SPATA1: variants seen among roughly 807,000 people sequenced by gnomAD.
SPATA1 encodes spermatogenesis associated 1.
A neutral mutation model predicts 59.6 loss-of-function variants in SPATA1; 57 were observed. The ratio of observed to expected loss-of-function variants is 0.96; its 90% confidence interval spans 0.77 to 1.19. SPATA1 has a LOEUF of 1.19. Ranked by LOEUF, SPATA1 falls within the 50% of genes most tolerant of loss-of-function variation. The probability of loss-of-function intolerance (pLI) is 0.00; values close to 1 mark genes in which losing one functional copy is unlikely to be tolerated. For synonymous variants in SPATA1, 147 were observed against 163.9 expected, an observed-to-expected ratio of 0.90 and a Z score of 0.79; for missense variants, 448 against 480.7, an observed-to-expected ratio of 0.93 and a Z score of 0.64.
intron 6 of SPATA1, among the ~76,000 whole-genome samples, chr1:84,529,858 C>CT (rs71582921): frequency 0.017 from 2,048 of 117,504 alleles, 20 homozygotes; most frequent in Non-Finnish European, 0.03. Context: ...AGCCTAAACT[C>CT]TTTTTTTTTT....
intron 6 of SPATA1, among the ~76,000 whole-genome samples, chr1:84,530,363 G>T (rs1284674825): frequency 6.6e-6 from 1 of 152,092 alleles, no homozygotes; most frequent in Non-Finnish European, 1.5e-5. Flanking sequence ...ATTATTATTA[G>T]TAGTAATACT....
At chr1:84,531,415 G>A (rs560394992) in intron 6 of SPATA1, among the ~76,000 whole-genome samples, 376 of 151,944 alleles carry the variant, frequency 2.5e-3, no homozygotes, top group African/African-American at 8.6e-3. Context: ...CACCCGCCTC[G>A]GCCTCCCAAA....
chr1:84,511,764 C>G (rs2101911817), intron 1 of SPATA1, among the ~76,000 whole-genome samples: 1 of 149,304 alleles, frequency 6.7e-6, no homozygotes, highest in East Asian at 2.0e-4. Flanking sequence ...TCACTGCAAC[C>G]TCTGCCTCCT....
intron 1 of SPATA1, among the ~76,000 whole-genome samples, chr1:84,511,589 A>T (rs1050086153): frequency 6.8e-6 from 1 of 147,296 alleles, no homozygotes; most frequent in Admixed American, 6.8e-5. Flanking sequence ...TCATTCCTCC[A>T]TTGGTTCTAG....
In SPATA1 at chr1:84,525,924, A is replaced by ATGAGCGG. The variant is rs771061243; in HGVS notation, c.396_402dup (p.Gln135Ter). 8.3e-5 allele frequency: 134 copies of ATGAGCGG among 1,613,774 alleles called. 1 individual carries two copies. Among genetic ancestry groups the ATGAGCGG allele is most frequent in the Middle Eastern group, 3.3e-4 (2 of 6,058 alleles). ...TATTCACCATCAACAGTTATTTTAG[A>ATGAGCGG]TGAGCGGCAGACTAATAATGGTGTT... is the stretch of plus-strand genomic sequence containing the variant. On this transcript the variant is annotated frameshift_variant, in exon 6 of 13. Coordinates refer to ENST00000490879, the Ensembl canonical transcript of SPATA1. LOFTEE classifies it high-confidence loss of function.
chr1:84,512,346 G>A (rs556839873), intron 1 of SPATA1, among the ~76,000 whole-genome samples: 11 of 152,278 alleles, frequency 7.2e-5, no homozygotes, highest in South Asian at 2.1e-4. Context: ...TCAGACCAAC[G>A]AATGGTTGTA....
chr1:84,548,750 C>CTTTTTTTTTTTTTTTTTTTTT (rs56250726), intron 10 of SPATA1, 36 bp from the exon 11 acceptor site: 1 of 820,214 alleles, frequency 1.2e-6, no homozygotes. Flanking sequence ...AAGGCCTTTC[C>CTTTTTTTTTTTTTTTTTTTTT]TTTTTTTTTT....
At chr1:84,563,957 G>T in intron 4 of SPATA1, 2 of 1,085,884 alleles carry the variant, frequency 1.8e-6, no homozygotes, top group Non-Finnish European at 2.4e-6. Flanking sequence ...CACTAATATT[G>T]TTTAATATGT....
At chr1:84,553,208 A>G in exon 13 of SPATA1, 1 of 759,716 alleles carries the variant, frequency 1.3e-6, no homozygotes, top group Non-Finnish European at 2.0e-6. Context: ...CTCCTTGGCA[A>G]TGTTTTATAA....
chr1:84,522,258 TA>T, intron 3 of SPATA1, 131 bp from the exon 4 acceptor site: 1 of 443,888 alleles, frequency 2.3e-6, no homozygotes, highest in Non-Finnish European at 4.0e-6. Flanking sequence ...TGTGGAAACA[TA>T]ATATGTTAAG....
intron 7 of SPATA1, 79 bp downstream of exon 7, chr1:84,533,053 T>C (rs546866133): frequency 3.3e-6 from 3 of 920,574 alleles, no homozygotes; most frequent in African/African-American, 3.4e-5. Flanking sequence ...AGTATTGTTA[T>C]AAAGACTTCT....
intron 1 of SPATA1, among the ~76,000 whole-genome samples, chr1:84,510,853 C>G (rs1254069754): frequency 1.3e-5 from 2 of 152,160 alleles, no homozygotes; most frequent in Non-Finnish European, 2.9e-5. Flanking sequence ...GAGATCATCT[C>G]ATTTGCAACA....
At chr1:84,533,330 G>T (rs977571934) in intron 7 of SPATA1, among the ~76,000 whole-genome samples, 1 of 151,894 alleles carries the variant, frequency 6.6e-6, no homozygotes, top group African/African-American at 2.4e-5. Flanking sequence ...TTTCACACTG[G>T]TATCATTTTA....
chr1:84,515,305 A>C (rs560118312), intron 1 of SPATA1, among the ~76,000 whole-genome samples: 2 of 152,292 alleles, frequency 1.3e-5, no homozygotes, highest in South Asian at 4.1e-4. Flanking sequence ...TATTGTAAGA[A>C]ATATGGAAAG....
intron 8 of SPATA1, among the ~76,000 whole-genome samples, chr1:84,541,720 T>C (rs1683910908): frequency 6.6e-6 from 1 of 152,186 alleles, no homozygotes; most frequent in South Asian, 2.1e-4. Flanking sequence ...TTTGTTTTGA[T>C]TTTACTGCTC....
downstream of SPATA1, among the ~76,000 whole-genome samples, chr1:84,558,185 G>C (rs1334761205): frequency 6.6e-6 from 1 of 152,074 alleles, no homozygotes; most frequent in Non-Finnish European, 1.5e-5. Context: ...TGGTATGTGA[G>C]GTAATACATA....
chr1:84,528,241 G>C (rs1558588197), intron 6 of SPATA1, among the ~76,000 whole-genome samples: 2 of 152,110 alleles, frequency 1.3e-5, no homozygotes, highest in Non-Finnish European at 2.9e-5. Context: ...TTGAAGCTCT[G>C]TTATTAGGTG....
chr1:84,563,072 A>G (rs111700107), intron 4 of SPATA1, among the ~76,000 whole-genome samples: 83 of 152,290 alleles, frequency 5.5e-4, no homozygotes, highest in African/African-American at 1.8e-3. Flanking sequence ...CAAAACTCCA[A>G]TTGCTCGCCA....
rs201997781 is a variant in SPATA1 at position 84,563,327 on chromosome 1, T to G, written n.443-2534T>G. ...TCCAGAAATAGAACTATTTATTTGC[T>G]TCATGATCGTTTTGTAGGGCACCTG... On this transcript the variant is annotated intron_variant and non_coding_transcript_variant, in intron 4 of 4. Transcript: ENST00000460286. 7.0e-5 allele frequency: 112 copies of G among 1,599,598 alleles called. 1 individual carries two copies. Among genetic ancestry groups the G allele is most frequent in the Non-Finnish European group, 9.0e-5 (106 of 1,173,488 alleles).
Sources: allele counts gnomAD v4.1 joint callset (sites outside exome capture counted in the v4.1 genomes callset), GRCh38; gene constraint gnomAD v4.1.1; transcripts MANE v1.5; gene names NCBI Gene and HGNC (gene_info 2026-07-23, HGNC 2026-07-21).